The following PIH1D2 variants were observed in gnomAD, a reference collection of about 807,000 sequenced individuals.
The protein encoded by PIH1D2 is PIH1 domain containing 2, also known as PIH1 domain-containing protein 2.
PIH1D2 carries 25 observed loss-of-function variants against 31.2 expected under a neutral mutation model. That is an observed-to-expected ratio of 0.80 (90% confidence interval 0.58 to 1.12). PIH1D2 has a LOEUF of 1.12. Ranked by LOEUF, PIH1D2 falls within the 50% of genes most tolerant of loss-of-function variation. The pLI is 0.00. For synonymous variants in PIH1D2, 116 were observed against 119.9 expected, an observed-to-expected ratio of 0.97 and a Z score of 0.21; for missense variants, 310 against 356.6, an observed-to-expected ratio of 0.87 and a Z score of 1.05.
At chr11:112,066,366 C>T (rs587684081), downstream of PIH1D2, among the ~76,000 whole-genome samples, 2 of 152,130 alleles carry the variant, frequency 1.3e-5, no homozygotes, top group African/African-American at 2.4e-5. Flanking sequence ...GCAGGCCGGG[C>T]GTGGTGGCTT....
At position 112,073,007 on chromosome 11, in the gene PIH1D2, G is replaced by A; in HGVS notation, c.168C>T (p.Thr56=). 1.2e-6 allele frequency: 2 copies of A among 1,610,034 alleles called. No homozygotes were observed. The highest frequency in any genetic ancestry group is 1.7e-5 in the Admixed American group (1 of 59,628). ...AAPEPQLCLQ[T]RILKPKEKIL... ...CACCAACTCGACATACCAGAATCCT[G>A]GTCTGTAGACAAAGCTGTGGTTCTG... is the stretch of plus-strand genomic sequence containing the variant. The change falls in exon 2 of 6, where the codon ACC becomes ACT. Residue 56 remains threonine (T), a synonymous_variant. Coordinates refer to ENST00000280350, the MANE Select transcript of PIH1D2 (RefSeq NM_138789.4).
chr11:112,069,661 G>GA (rs1865049818), intron 5 of PIH1D2: 1 of 152,104 alleles, frequency 6.6e-6, no homozygotes, highest in Non-Finnish European at 1.5e-5. Context: ...AAAGGTCGTG[G>GA]AAAAAAATGG....
At chr11:112,067,678 A>C (rs1864966863), downstream of PIH1D2, 1 of 78,540 alleles carries the variant, frequency 1.3e-5, no homozygotes, top group Admixed American at 1.5e-4. Context: ...AAAAAAAAAA[A>C]AAAAAAAATA....
At chr11:112,056,164 C>T in the PIH1D2 span, among the ~76,000 whole-genome samples, 6 of 151,872 alleles carry the variant, frequency 4.0e-5, no homozygotes, top group African/African-American at 1.2e-4. Flanking sequence ...CGTGCCTGGC[C>T]GCATGTAGAC....
chr11:112,061,309 G>A, downstream of PIH1D2: 8 of 874,130 alleles, frequency 9.2e-6, no homozygotes, highest in Non-Finnish European at 1.5e-5. Context: ...TCCCTGATAT[G>A]ATATGATGTA....
downstream of PIH1D2, chr11:112,059,786 C>A (rs1864432827): frequency 3.7e-6 from 3 of 809,620 alleles, no homozygotes; most frequent in South Asian, 1.9e-5. Context: ...TTTGGCTGAA[C>A]AATAACACAC....
At chr11:112,056,570 T>G in the PIH1D2 span, among the ~76,000 whole-genome samples, 1 of 152,264 alleles carries the variant, frequency 6.6e-6, no homozygotes, top group African/African-American at 2.4e-5. Context: ...ATATACCTCT[T>G]TATCATTCAC....
At chr11:112,064,458 A>C (rs2135186054), downstream of PIH1D2, 2 of 467,414 alleles carry the variant, frequency 4.3e-6, no homozygotes, top group Middle Eastern at 1.1e-3. Context: ...ATCTAGGGAC[A>C]GCCATGTATG....
chr11:112,055,798 AT>A, the PIH1D2 span, among the ~76,000 whole-genome samples: 14 of 128,554 alleles, frequency 1.1e-4, no homozygotes, highest in East Asian at 2.6e-4. Flanking sequence ...AGAGGCAGGA[AT>A]TTTTTTTTTA....
Position 112,071,153 on chromosome 11 carries a change from G to A in PIH1D2, c.432C>T (p.Leu144=). 1 of 1,613,904 alleles carries A rather than the reference G, an allele frequency of 6.2e-7. No homozygotes were observed. The highest frequency in any genetic ancestry group is 8.5e-7 in the Non-Finnish European group (1 of 1,179,920). The change falls in exon 4 of 6, where the codon CTC becomes CTT. Residue 144 remains leucine, a synonymous_variant. Coordinates refer to ENST00000280350, the MANE Select transcript of PIH1D2 (RefSeq NM_138789.4). ...ATTTGGTAATATGGTAAGAGTGTGAGAGGGTGAACTGGAATTTCTCCTCAA... is the reference window on the plus strand; with the variant it reads ...ATTTGGTAATATGGTAAGAGTGTGAAAGGGTGAACTGGAATTTCTCCTCAA... The part of the protein sequence containing the change: ...KCIEEKFQFT[L]SHSYHITKFR...
chr11:112,068,798 TAAA>T (rs1365857348), intron 5 of PIH1D2, among the ~76,000 whole-genome samples: 7 of 151,512 alleles, frequency 4.6e-5, no homozygotes, highest in African/African-American at 1.7e-4. Context: ...AATAAATAAA[TAAA>T]AAGGACTTTA....
the PIH1D2 span, among the ~76,000 whole-genome samples, chr11:112,055,847 A>ATTTTTTTTTTTTTTTTTTTTT: frequency 2.0e-5 from 1 of 49,670 alleles, no homozygotes; most frequent in African/African-American, 7.0e-5. Context: ...GCATATAGAC[A>ATTTTTTTTTTTTTTTTTTTTT]CTTTTTTTTT....
Position 112,069,155 on chromosome 11 carries a change from C to T in PIH1D2, c.814-1150G>A, listed in dbSNP as rs587626169. On this transcript the variant is annotated intron_variant, in intron 5 of 5. Transcript: ENST00000280350. Reference sequence around the variant, plus strand: ...CTGGGACTACAGGTGCCCACCACCACGCCCGGCTGATGTTTTTTTTGTATT... The same window carrying T: ...CTGGGACTACAGGTGCCCACCACCATGCCCGGCTGATGTTTTTTTTGTATT... Among the ~76,000 whole-genome samples the T allele has an allele frequency of 2.7e-3, 415 of 151,568 alleles. 2 individuals carry two copies. Among genetic ancestry groups the T allele is most frequent in the African/African-American group, 9.5e-3 (391 of 41,374 alleles).
At chr11:112,060,802 T>C (rs2135163946), downstream of PIH1D2, among the ~76,000 whole-genome samples, 1 of 152,222 alleles carries the variant, frequency 6.6e-6, no homozygotes, top group East Asian at 1.9e-4. Context: ...GTTCTGAAAA[T>C]AAAGTAAAAT....
downstream of PIH1D2, chr11:112,064,444 T>G (rs1349188430): frequency 6.0e-6 from 3 of 501,778 alleles, no homozygotes; most frequent in African/African-American, 5.8e-5. Context: ...TTTAAATTAT[T>G]TAGATCTAGG....
At chr11:112,067,685 A>AAAATATATATAT, downstream of PIH1D2, 1 of 17,804 alleles carries the variant, frequency 5.6e-5, no homozygotes, top group African/African-American at 1.7e-4. Flanking sequence ...AAAAAAAAAA[A>AAAATATATATAT]ATATATATAT....
chr11:112,068,511 G>A (rs189510865), intron 5 of PIH1D2, among the ~76,000 whole-genome samples: 44 of 152,218 alleles, frequency 2.9e-4, no homozygotes, highest in African/African-American at 8.7e-4. Context: ...GGCTGAGTGC[G>A]GTGGCTCACA....
chr11:112,059,344 T>A (rs1864375399), downstream of PIH1D2, among the ~76,000 whole-genome samples: 1 of 151,756 alleles, frequency 6.6e-6, no homozygotes, highest in Non-Finnish European at 1.5e-5. Flanking sequence ...TGCTGACACA[T>A]TTCTCATTCT....
chr11:112,062,785 G>A, downstream of PIH1D2: 1 of 451,150 alleles, frequency 2.2e-6, no homozygotes. Context: ...ACATGTATGT[G>A]GCCTTGCCTA....
Sources: allele counts gnomAD v4.1 joint callset (sites outside exome capture counted in the v4.1 genomes callset), GRCh38; gene constraint gnomAD v4.1.1; transcripts MANE v1.5; gene names NCBI Gene and HGNC (gene_info 2026-07-23, HGNC 2026-07-21).